SHISA8: variants seen among roughly 807,000 people sequenced by gnomAD.
The protein encoded by SHISA8 is protein shisa-8.
A neutral mutation model predicts 21.1 loss-of-function variants in SHISA8; 21 were observed. That is an observed-to-expected ratio of 0.99 (90% CI 0.71 to 1.43). SHISA8 has a LOEUF of 1.43. Ranked by LOEUF, SHISA8 falls within the 40% of genes most tolerant of loss-of-function variation. The pLI, the probability that SHISA8 is intolerant of heterozygous loss-of-function variation, is 0.00. For synonymous variants in SHISA8, 300 were observed against 291.4 expected, an observed-to-expected ratio of 1.03 and a Z score of -0.30; for missense variants, 535 against 599.1, an observed-to-expected ratio of 0.89 and a Z score of 1.12.
rs1282092708 is a variant in SHISA8 at position 41,910,037 on chromosome 22, C to T, written c.922G>A (p.Ala308Thr). The change falls in exon 4 of 4, where the codon GCC (alanine) becomes ACC (threonine). Residue 308 changes from alanine (A) to threonine (T), a missense_variant. Ala to Thr is a moderately conservative substitution (Grantham distance 58, BLOSUM62 0). Coordinates refer to ENST00000621082, the MANE Select transcript of SHISA8 (RefSeq NM_001207020.3). The surrounding 1 kb of genome is among the most constrained non-coding windows in gnomAD (Gnocchi z 6.8). ...TAGACCGGCGGGGCCCAGGGGCAGGCGTCCAGCGGCGCAGGCAAGTCCGGG... is the reference window on the plus strand; with the variant it reads ...TAGACCGGCGGGGCCCAGGGGCAGGTGTCCAGCGGCGCAGGCAAGTCCGGG... ...PSPDLPAPLD[A>T]CPWAPPVYAP... The T allele has an allele frequency of 1.6e-6, 2 of 1,260,340 alleles. No homozygotes were observed. The highest frequency in any genetic ancestry group is 2.0e-6 in the Non-Finnish European group (2 of 1,008,706). 78.1% of individuals were successfully genotyped at this position (1,260,340 alleles called of 1,614,324 possible). A position where few individuals can be genotyped will look rare whatever the true frequency, so the allele number is the denominator to read the frequency against.
At position 41,909,768 on chromosome 22, in the gene SHISA8, C is replaced by T; in HGVS notation, c.1191G>A (p.Val397=). The T allele has an allele frequency of 1.4e-6, 2 of 1,462,954 alleles. No individual in the cohort carries two copies. The highest frequency in any genetic ancestry group is 1.5e-5 in the African/African-American group (1 of 68,750). 90.6% of individuals were successfully genotyped at this position (1,462,954 alleles called of 1,614,324 possible). A position where few individuals can be genotyped will look rare whatever the true frequency, so the allele number is the denominator to read the frequency against. The change falls in exon 4 of 4, where the codon GTG becomes GTA. Residue 397 remains valine, a synonymous_variant. Transcript: ENST00000621082. ...LRTNSKTEVT[V] ...TCGAGGGCACCGCGGCCCCGCTTCA[C>T]ACGGTGACCTCGGTCTTGCTATTGG...
rs1442893001 is a variant in SHISA8, at chr22:41,909,826, C to T, written c.1133G>A (p.Gly378Asp). Reference sequence around the variant, plus strand: ...GTACCGGGACCCGCGGCCCGCGCTGCCGTAAAGGCCGGGGAGCTGCGGGTT... The same window carrying T: ...GTACCGGGACCCGCGGCCCGCGCTGTCGTAAAGGCCGGGGAGCTGCGGGTT... ...TFNPQLPGLY[G>D]SAGRGSRYLR... The change falls in exon 4 of 4, where the codon GGC (glycine) becomes GAC (aspartate). Residue 378 changes from glycine to aspartate, a missense_variant. Transcript: ENST00000621082. 1.3e-6 allele frequency: 2 copies of T among 1,522,418 alleles called. No homozygotes were observed. The allele number at this position is 1,522,418 out of a possible 1,614,324, so 94.3% of individuals were successfully genotyped here. A position where few individuals can be genotyped will look rare whatever the true frequency, so the allele number is the denominator to read the frequency against.
chr22:41,911,378 T>A, intron 1 of SHISA8, 29 bp from the exon 2 acceptor site: 1 of 1,235,658 alleles, frequency 8.1e-7, no homozygotes, highest in Non-Finnish European at 1.0e-6. Flanking sequence ...GGGGTGGCCC[T>A]CTGTCTCCCA....
chr22:41,914,655 CGGCCCGCGCCATCG>C lies in SHISA8; in HGVS notation c.-2_12del, dbSNP rs2077575514. The C allele has an allele frequency of 9.8e-7, 1 of 1,019,464 alleles. No homozygotes were observed. The highest frequency in any genetic ancestry group is 1.2e-6 in the Non-Finnish European group (1 of 854,294). 63.2% of individuals were successfully genotyped at this position (1,019,464 alleles called of 1,614,324 possible). ...CGGCCGCCGAGCAGTCCCCGCGCCCCGGCCCGCGCCATCGGGCCCGCGCCTCCCGCTACTGCGCC... is the reference window on the plus strand; with the variant it reads ...CGGCCGCCGAGCAGTCCCCGCGCCCCGGCCCGCGCCTCCCGCTACTGCGCC... On this transcript the variant is annotated start_lost and 5_prime_UTR_variant, in exon 1 of 4. Coordinates refer to ENST00000621082, the MANE Select transcript of SHISA8 (RefSeq NM_001207020.3). The surrounding 1 kb of genome is among the most constrained non-coding windows in gnomAD (Gnocchi z 6.8).
intron 2 of SHISA8, among the ~76,000 whole-genome samples, chr22:41,911,010 GC>G (rs2077549209): frequency 6.6e-6 from 1 of 152,144 alleles, no homozygotes; most frequent in East Asian, 1.9e-4. Flanking sequence ...ACACATCACA[GC>G]CCCCCAGACT....
In SHISA8 at chr22:41,910,935, G is replaced by C. The variant is rs1004274194; in HGVS notation, c.664+281C>G. 1.3e-5 allele frequency among the ~76,000 whole-genome samples: 2 copies of C among 152,150 alleles called. No homozygotes were observed. Among genetic ancestry groups the C allele is most frequent in the African/African-American group, 4.8e-5 (2 of 41,440 alleles). Reference sequence around the variant, plus strand: ...CTGCCTCTCGAGAGACCCAGGGGGAGGCTCTGGAGCCCGAGCCTCAGATCA... The same window carrying C: ...CTGCCTCTCGAGAGACCCAGGGGGACGCTCTGGAGCCCGAGCCTCAGATCA... On this transcript the variant is annotated intron_variant, in intron 2 of 3. Coordinates refer to ENST00000621082, the MANE Select transcript of SHISA8 (RefSeq NM_001207020.3). This position sits in a 1 kb window ranked among gnomAD's most constrained non-coding sequence, Gnocchi z 6.8.
rs1427552067 is a variant in SHISA8, at chr22:41,910,202, C to T, written c.812-55G>A. The stretch of plus-strand genomic sequence containing the variant: ...CCGCGCCGAGCACCCAAGCTCAGGA[C>T]TGGACAAGGGGTCCCGGCCGGGGAC... On this transcript the variant is annotated intron_variant, in intron 3 of 3. Coordinates refer to ENST00000621082, the MANE Select transcript of SHISA8 (RefSeq NM_001207020.3). This position sits in a 1 kb window ranked among gnomAD's most constrained non-coding sequence, Gnocchi z 6.8. 39 of 1,228,810 alleles carry T rather than the reference C, an allele frequency of 3.2e-5. No individual in the cohort carries two copies. Among genetic ancestry groups the T allele is most frequent in the Non-Finnish European group, 3.5e-5 (35 of 986,840 alleles). 76.1% of individuals were successfully genotyped at this position (1,228,810 alleles called of 1,614,324 possible).
intron 2 of SHISA8, 142 bp downstream of exon 2, chr22:41,911,074 C>T: frequency 8.9e-7 from 1 of 1,117,814 alleles, no homozygotes; most frequent in Non-Finnish European, 1.1e-6. Context: ...AGCTGGCTGG[C>T]CGGTCGGGCC....
chr22:41,909,992 C>A lies in SHISA8; in HGVS notation c.967G>T (p.Gly323Cys), dbSNP rs1392810164. The A allele has an allele frequency of 8.3e-6, 11 of 1,318,602 alleles. No homozygotes were observed. The highest frequency in any genetic ancestry group is 1.1e-5 in the Non-Finnish European group (11 of 1,042,436). 81.7% of individuals were successfully genotyped at this position (1,318,602 alleles called of 1,614,324 possible). A position where few individuals can be genotyped will look rare whatever the true frequency, so the allele number is the denominator to read the frequency against. Residue 323 changes from glycine to cysteine, a missense_variant, in exon 4 of 4, where the codon GGC (glycine) becomes TGC (cysteine). By Grantham distance (159) the Gly-to-Cys change is radical. Transcript: ENST00000621082. Reference sequence around the variant, plus strand: ...CTGGAGGTCCAGGCGGCATAGGGGCCCGGCGCGGCAGGGGGCGCGTAGACC... The same window carrying A: ...CTGGAGGTCCAGGCGGCATAGGGGCACGGCGCGGCAGGGGGCGCGTAGACC... ...PPVYAPPAAPGPYAAWTSSRP... is the reference protein window; with the variant it reads ...PPVYAPPAAPCPYAAWTSSRP...
rs894725853 is a variant in SHISA8 at position 41,910,380 on chromosome 22, C to T, written c.811+28G>A. On this transcript the variant is annotated intron_variant, in intron 3 of 3. Coordinates refer to ENST00000621082, the MANE Select transcript of SHISA8 (RefSeq NM_001207020.3). This position sits in a 1 kb window ranked among gnomAD's most constrained non-coding sequence, Gnocchi z 6.8. ...TCCGGGAGCTCGTGCGCCCAGGTGCCCTGACGCTGCCCGCACCCGCCACTC... is the reference window on the plus strand; with the variant it reads ...TCCGGGAGCTCGTGCGCCCAGGTGCTCTGACGCTGCCCGCACCCGCCACTC... 101 of 1,286,244 alleles carry T rather than the reference C, an allele frequency of 7.9e-5. No homozygotes were observed. Among genetic ancestry groups the T allele is most frequent in the Middle Eastern group, 3.0e-4 (1 of 3,312 alleles). The allele number at this position is 1,286,244 out of a possible 1,614,324, so 79.7% of individuals were successfully genotyped here. A position where few individuals can be genotyped will look rare whatever the true frequency, so the allele number is the denominator to read the frequency against.
At position 41,910,360 on chromosome 22, in the gene SHISA8, G is replaced by C. The variant is rs903373647; in HGVS notation, c.811+48C>G. ...TGCGGCCCCGCGCTTCGCAGTCCGG[G>C]AGCTCGTGCGCCCAGGTGCCCTGAC... On this transcript the variant is annotated intron_variant, in intron 3 of 3. Coordinates refer to ENST00000621082, the MANE Select transcript of SHISA8 (RefSeq NM_001207020.3). This position sits in a 1 kb window ranked among gnomAD's most constrained non-coding sequence, Gnocchi z 6.8. 2 of 1,267,484 alleles carry C rather than the reference G, an allele frequency of 1.6e-6. No homozygotes were observed. The highest frequency in any genetic ancestry group is 3.2e-5 in the East Asian group (1 of 30,960). 78.5% of individuals were successfully genotyped at this position (1,267,484 alleles called of 1,614,324 possible). A position where few individuals can be genotyped will look rare whatever the true frequency, so the allele number is the denominator to read the frequency against.
rs1250541247 is a variant in SHISA8, at chr22:41,911,362, C to A, written c.531-13G>T. 1 of 1,237,808 alleles carries A rather than the reference C, an allele frequency of 8.1e-7. No individual in the cohort carries two copies. Among genetic ancestry groups the A allele is most frequent in the Non-Finnish European group, 1.0e-6 (1 of 990,012 alleles). 76.7% of individuals were successfully genotyped at this position (1,237,808 alleles called of 1,614,324 possible). A position where few individuals can be genotyped will look rare whatever the true frequency, so the allele number is the denominator to read the frequency against. ...CTCTGTCAGCGCCCTGCGGGGACAGCAGTCAGGGGTGGCCCTCTGTCTCCC... is the reference window on the plus strand; with the variant it reads ...CTCTGTCAGCGCCCTGCGGGGACAGAAGTCAGGGGTGGCCCTCTGTCTCCC... On this transcript the variant is annotated splice_polypyrimidine_tract_variant and intron_variant, in intron 1 of 3. Transcript: ENST00000621082.
At chr22:41,911,509 C>CA (rs2077553399) in intron 1 of SHISA8, among the ~76,000 whole-genome samples, 160 bp from the exon 2 acceptor site, 1 of 152,202 alleles carries the variant, frequency 6.6e-6, no homozygotes, top group African/African-American at 2.4e-5. Flanking sequence ...CCCTCCCAGG[C>CA]AGTATCTGCC....
chr22:41,913,133 G>C (rs957915775), intron 1 of SHISA8, among the ~76,000 whole-genome samples: 2 of 152,240 alleles, frequency 1.3e-5, no homozygotes, highest in Non-Finnish European at 2.9e-5. Context: ...AGCTCCCTGG[G>C]AGAAAGTGGG....
rs893107909 is a variant in SHISA8, at chr22:41,910,297, C to G, written c.811+111G>C. On this transcript the variant is annotated intron_variant, in intron 3 of 3. Transcript: ENST00000621082. The surrounding 1 kb of genome is among the most constrained non-coding windows in gnomAD (Gnocchi z 6.8). ...GGGGCGAGGGAGCCGATTGGCCGAG[C>G]GGCGGGCGCGCGGAACTGGGAATTT... The G allele has an allele frequency of 1.6e-6, 2 of 1,234,520 alleles. No individual in the cohort carries two copies. Among genetic ancestry groups the G allele is most frequent in the Non-Finnish European group, 2.0e-6 (2 of 987,416 alleles). 76.5% of individuals were successfully genotyped at this position (1,234,520 alleles called of 1,614,324 possible). A position where few individuals can be genotyped will look rare whatever the true frequency, so the allele number is the denominator to read the frequency against.
In SHISA8 at chr22:41,914,007, A is replaced by C; in HGVS notation, c.530+131T>G. ...GAAGTGTTGGGGGGGCGGCGGGGGG[A>C]GAAGGAGACAGGAAAACCCAGAGAA... On this transcript the variant is annotated intron_variant, in intron 1 of 3. Coordinates refer to ENST00000621082, the MANE Select transcript of SHISA8 (RefSeq NM_001207020.3). This position sits in a 1 kb window ranked among gnomAD's most constrained non-coding sequence, Gnocchi z 6.8. 2 of 964,704 alleles carry C rather than the reference A, an allele frequency of 2.1e-6. No individual in the cohort carries two copies. Among genetic ancestry groups the C allele is most frequent in the Non-Finnish European group, 2.7e-6 (2 of 727,922 alleles). 59.8% of individuals were successfully genotyped at this position (964,704 alleles called of 1,614,324 possible).
At chr22:41,912,984 A>C (rs2077561797) in intron 1 of SHISA8, among the ~76,000 whole-genome samples, 1 of 152,094 alleles carries the variant, frequency 6.6e-6, no homozygotes, top group Non-Finnish European at 1.5e-5. Context: ...ACCCTCACCC[A>C]TCATGGGGGA....
chr22:41,911,806 C>T (rs146928770), intron 1 of SHISA8, among the ~76,000 whole-genome samples: 9,380 of 152,192 alleles, frequency 0.062, 319 homozygotes, highest in Non-Finnish European at 0.079. Context: ...AGTGCAATGG[C>T]GCAATCTTGG....
chr22:41,911,493 A>C (rs1364451368), intron 1 of SHISA8, 144 bp from the exon 2 acceptor site: 4 of 910,836 alleles, frequency 4.4e-6, no homozygotes, highest in Non-Finnish European at 5.8e-6. Context: ...ATCACGCACG[A>C]GTTTCCCCTC....
Sources: allele counts gnomAD v4.1 joint callset (sites outside exome capture counted in the v4.1 genomes callset), GRCh38; gene constraint gnomAD v4.1.1; non-coding constraint Gnocchi (gnomAD v3.1); transcripts MANE v1.5; gene names NCBI Gene and HGNC (gene_info 2026-07-23, HGNC 2026-07-21).